CXCL13: variants seen among roughly 807,000 people sequenced by gnomAD.
CXCL13 encodes the protein C-X-C motif chemokine 13.
Under a neutral mutation model 12.2 loss-of-function variants are expected in CXCL13, and 7 were observed. That is an observed-to-expected ratio of 0.57 (90% CI 0.33 to 1.07). CXCL13 has a LOEUF of 1.07. CXCL13 is among the 50% of genes least tolerant of loss of function. The pLI is 0.04. For missense variants in CXCL13, 113 were observed against 127.4 expected, an observed-to-expected ratio of 0.89 and a Z score of 0.55; for synonymous variants, 47 against 42.4, an observed-to-expected ratio of 1.11 and a Z score of -0.42.
At chr4:77,594,617 C>T (rs1477537838) in intron 1 of CXCL13, among the ~76,000 whole-genome samples, 1 of 152,144 alleles carries the variant, frequency 6.6e-6, no homozygotes, top group African/African-American at 2.4e-5. Flanking sequence ...GGTCCAGGGG[C>T]ATACTGATGC....
At chr4:77,577,082 A>T (rs1273949732) in intron 1 of CXCL13, among the ~76,000 whole-genome samples, 1 of 152,220 alleles carries the variant, frequency 6.6e-6, no homozygotes, top group Non-Finnish European at 1.5e-5. Context: ...ATCTGGATCA[A>T]TATTCTAATT....
At chr4:77,551,964 T>A (rs1241897969) in intron 1 of CXCL13, among the ~76,000 whole-genome samples, 1 of 152,184 alleles carries the variant, frequency 6.6e-6, no homozygotes, top group Non-Finnish European at 1.5e-5. Flanking sequence ...TTAAAATATT[T>A]ATCTCTTCCT....
chr4:77,516,944 AG>A (rs1367577315), intron 1 of CXCL13, among the ~76,000 whole-genome samples: 2 of 151,930 alleles, frequency 1.3e-5, no homozygotes, highest in African/African-American at 4.8e-5. Context: ...GTGGGCATTT[AG>A]TGCTATAAAT....
intron 1 of CXCL13, among the ~76,000 whole-genome samples, chr4:77,586,565 G>T (rs115849964): frequency 6.6e-6 from 1 of 152,158 alleles, no homozygotes; most frequent in Non-Finnish European, 1.5e-5. Context: ...AAGAGCAAGC[G>T]CCTTGGGCAA....
chr4:77,533,795 C>G (rs185335160), intron 1 of CXCL13, among the ~76,000 whole-genome samples: 1 of 152,190 alleles, frequency 6.6e-6, no homozygotes, highest in Admixed American at 6.5e-5. Flanking sequence ...GCTGTGCTAG[C>G]CATGAGCAAG....
intron 1 of CXCL13, among the ~76,000 whole-genome samples, chr4:77,597,463 A>G (rs1726790999): frequency 6.6e-6 from 1 of 152,180 alleles, no homozygotes; most frequent in Non-Finnish European, 1.5e-5. Context: ...CCTGGATGTA[A>G]CATCTGGAAT....
chr4:77,569,226 A>G (rs989289251), intron 1 of CXCL13, among the ~76,000 whole-genome samples: 2 of 152,182 alleles, frequency 1.3e-5, no homozygotes, highest in Admixed American at 1.3e-4. Flanking sequence ...ACCTTCTCTC[A>G]CCACTTCTAT....
At chr4:77,576,526 A>T (rs1488029756) in intron 1 of CXCL13, among the ~76,000 whole-genome samples, 1 of 152,228 alleles carries the variant, frequency 6.6e-6, no homozygotes, top group African/African-American at 2.4e-5. Flanking sequence ...AATTGGCCTC[A>T]TACCTTGTTT....
intron 1 of CXCL13, among the ~76,000 whole-genome samples, chr4:77,560,284 TC>T (rs1725775115): frequency 6.6e-6 from 1 of 152,138 alleles, no homozygotes; most frequent in Non-Finnish European, 1.5e-5. Flanking sequence ...CGCTACTAGT[TC>T]TTATTGGAAT....
intron 1 of CXCL13, among the ~76,000 whole-genome samples, chr4:77,554,360 G>A (rs1351845857): frequency 1.3e-5 from 2 of 152,096 alleles, no homozygotes; most frequent in South Asian, 2.1e-4. Context: ...TAATACTAGA[G>A]ATAAAGAGAA....
At chr4:77,565,218 G>T (rs973816100) in intron 1 of CXCL13, among the ~76,000 whole-genome samples, 1 of 152,156 alleles carries the variant, frequency 6.6e-6, no homozygotes, top group African/African-American at 2.4e-5. Context: ...AGAAGATGAG[G>T]TTCTACAGCT....
At chr4:77,562,826 C>T (rs1725844602) in intron 1 of CXCL13, among the ~76,000 whole-genome samples, 1 of 152,126 alleles carries the variant, frequency 6.6e-6, no homozygotes, top group South Asian at 2.1e-4. Flanking sequence ...CATCAATCAG[C>T]ACTCTGTCAA....
intron 1 of CXCL13, among the ~76,000 whole-genome samples, chr4:77,587,329 T>C (rs1726498293): frequency 6.6e-6 from 1 of 152,170 alleles, no homozygotes; most frequent in African/African-American, 2.4e-5. Flanking sequence ...GCCAGGGGGA[T>C]ATGACGAACT....
intron 1 of CXCL13, among the ~76,000 whole-genome samples, chr4:77,606,500 G>A (rs993865751): frequency 6.6e-5 from 10 of 152,176 alleles, no homozygotes; most frequent in East Asian, 1.9e-4. Flanking sequence ...TTATGTGGCC[G>A]AAGAAATGGA....
chr4:77,587,670 A>C (rs1213997319), intron 1 of CXCL13, among the ~76,000 whole-genome samples: 2 of 152,244 alleles, frequency 1.3e-5, no homozygotes, highest in East Asian at 1.9e-4. Flanking sequence ...AAGATTATTA[A>C]AACAAAGCTC....
intron 1 of CXCL13, among the ~76,000 whole-genome samples, chr4:77,536,438 G>A (rs925734583): frequency 4.6e-5 from 7 of 152,174 alleles, no homozygotes; most frequent in African/African-American, 1.7e-4. Context: ...AGGTTCTGGA[G>A]CCAGTCTGCC....
At chr4:77,512,795 A>ATTC (rs140562720) in intron 1 of CXCL13, among the ~76,000 whole-genome samples, 48 of 152,304 alleles carry the variant, frequency 3.2e-4, no homozygotes, top group Middle Eastern at 3.4e-3. Flanking sequence ...TGTTATTATT[A>ATTC]TACTTTAAGT....
At chr4:77,531,363 A>G (rs965925792) in intron 1 of CXCL13, among the ~76,000 whole-genome samples, 20 of 142,572 alleles carry the variant, frequency 1.4e-4, no homozygotes, top group Non-Finnish European at 1.6e-4. Flanking sequence ...GAGTGAGAAC[A>G]TGCGGTGTTT....
chr4:77,585,723 C>A (rs974227816), intron 1 of CXCL13, among the ~76,000 whole-genome samples: 1 of 152,176 alleles, frequency 6.6e-6, no homozygotes, highest in African/African-American at 2.4e-5. Flanking sequence ...TAGAACTAGA[C>A]TTTTGTGGTA....
Sources: allele counts gnomAD v4.1 joint callset (sites outside exome capture counted in the v4.1 genomes callset), GRCh38; gene constraint gnomAD v4.1.1; transcripts MANE v1.5; gene names NCBI Gene and HGNC (gene_info 2026-07-23, HGNC 2026-07-21).